Variants in CA13 observed in about 807,000 individuals in gnomAD.
The protein encoded by CA13 is CA-XIII.
CA13 carries 21 observed loss-of-function variants against 31.5 expected under a neutral mutation model. The ratio of observed to expected loss-of-function variants is 0.67; its 90% CI spans 0.47 to 0.96. The LOEUF (loss-of-function observed/expected upper bound fraction) is 0.96, where lower values mean the gene tolerates loss of function less well. CA13 is among the 40% of genes least tolerant of loss of function. CA13 has a pLI of 0.00. For synonymous variants in CA13, 117 were observed against 111.4 expected, an observed-to-expected ratio of 1.05 and a Z score of -0.32; for missense variants, 315 against 318.9, an observed-to-expected ratio of 0.99 and a Z score of 0.09.
intron 6 of CA13, among the ~76,000 whole-genome samples, chr8:85,273,813 C>T (rs62527228): frequency 1.3e-5 from 2 of 152,068 alleles, no homozygotes; most frequent in Non-Finnish European, 2.9e-5. Flanking sequence ...AGTGCGCCGA[C>T]AGACAACACG....
chr8:85,276,795 G>A (rs112206933), intron 6 of CA13, among the ~76,000 whole-genome samples: 3 of 147,972 alleles, frequency 2.0e-5, no homozygotes, highest in Non-Finnish European at 2.9e-5. Context: ...TGCACCAGTC[G>A]ACACTCTGTA....
intron 6 of CA13, among the ~76,000 whole-genome samples, chr8:85,276,803 G>C (rs938291141): frequency 6.6e-6 from 1 of 151,812 alleles, no homozygotes; most frequent in African/African-American, 2.4e-5. Flanking sequence ...TCGACACTCT[G>C]TATCTAGCTA....
chr8:85,277,835 C>G (rs1412381959), intron 6 of CA13, among the ~76,000 whole-genome samples: 3 of 152,164 alleles, frequency 2.0e-5, no homozygotes, highest in Non-Finnish European at 4.4e-5. Context: ...CCTGGACGGC[C>G]TCCCTCTCAG....
intron 1 of CA13, among the ~76,000 whole-genome samples, chr8:85,247,752 G>C (rs148408344): frequency 0.024 from 3,665 of 152,162 alleles, 151 homozygotes; most frequent in African/African-American, 0.084. Flanking sequence ...TGTATTTTTA[G>C]TAGAGACAAG....
intron 6 of CA13, among the ~76,000 whole-genome samples, chr8:85,277,764 G>A (rs1241317397): frequency 1.3e-5 from 2 of 152,172 alleles, no homozygotes; most frequent in South Asian, 2.1e-4. Context: ...GGACGGGGCA[G>A]GGGTTTTATA....
chr8:85,260,778 T>C (rs1807365300), intron 3 of CA13, among the ~76,000 whole-genome samples: 1 of 152,256 alleles, frequency 6.6e-6, no homozygotes, highest in African/African-American at 2.4e-5. Flanking sequence ...ATGTTTGCTT[T>C]CTAAAGTTTT....
chr8:85,283,512 G>A lies in CA13; in HGVS notation c.*2163G>A, dbSNP rs1404816752. 3 of 152,582 alleles carry A rather than the reference G, an allele frequency of 2.0e-5. No individual in the cohort carries two copies. Among genetic ancestry groups the A allele is most frequent in the Admixed American group, 6.5e-5 (1 of 15,272 alleles). The allele number at this position is 152,582 out of a possible 1,614,324, so 9.5% of individuals were successfully genotyped here. A position where few individuals can be genotyped will look rare whatever the true frequency, so the allele number is the denominator to read the frequency against. On this transcript the variant is annotated 3_prime_UTR_variant, in exon 7 of 7. Transcript: ENST00000321764. The stretch of plus-strand genomic sequence containing the variant: ...AATGCACTATAAGTTAATATAACAA[G>A]TAAAATACATTGTCTTTTGAAAATA...
At chr8:85,248,858 T>C (rs1813776019) in intron 1 of CA13, among the ~76,000 whole-genome samples, 1 of 152,188 alleles carries the variant, frequency 6.6e-6, no homozygotes, top group African/African-American at 2.4e-5. Flanking sequence ...ACACATGCAT[T>C]GCGCATTTGA....
intron 6 of CA13, among the ~76,000 whole-genome samples, chr8:85,277,392 C>T (rs1807628070): frequency 1.3e-5 from 2 of 152,202 alleles, no homozygotes; most frequent in Admixed American, 1.3e-4. Flanking sequence ...ACTCCTGAGC[C>T]AGCGAGACCA....
chr8:85,245,825 G>A lies in CA13; in HGVS notation c.-4G>A, dbSNP rs532136857. ...TCTTTCTCTTCCTTCCACCCCGAGG[G>A]ACCATGTCGAGGCTCAGCTGGGGAT... On this transcript the variant is annotated 5_prime_UTR_variant, in exon 1 of 7. Transcript: ENST00000321764. 1 of 1,614,074 alleles carries A rather than the reference G, an allele frequency of 6.2e-7. No individual in the cohort carries two copies. Among genetic ancestry groups the A allele is most frequent in the Admixed American group, 1.7e-5 (1 of 60,026 alleles).
intron 6 of CA13, among the ~76,000 whole-genome samples, chr8:85,276,527 G>A (rs1255172417): frequency 1.3e-5 from 2 of 152,268 alleles, no homozygotes; most frequent in Non-Finnish European, 2.9e-5. Flanking sequence ...TTTATGTCTA[G>A]CTAAGGGATT....
chr8:85,264,475 T>C (rs940339541), intron 3 of CA13, among the ~76,000 whole-genome samples: 1 of 152,198 alleles, frequency 6.6e-6, no homozygotes, highest in Admixed American at 6.6e-5. Context: ...TAAATGCTAA[T>C]AGAAGTGGTA....
At chr8:85,246,826 A>G (rs377230324) in intron 1 of CA13, among the ~76,000 whole-genome samples, 8 of 152,330 alleles carry the variant, frequency 5.3e-5, no homozygotes, top group East Asian at 1.9e-4. Flanking sequence ...ATAAATATAT[A>G]CAATTTTTGT....
chr8:85,262,224 A>G (rs1224097998), intron 3 of CA13, among the ~76,000 whole-genome samples: 1 of 152,258 alleles, frequency 6.6e-6, no homozygotes, highest in East Asian at 1.9e-4. Context: ...GAATTCATTG[A>G]GAATCAACCA....
At chr8:85,256,347 T>C (rs779992435) in intron 2 of CA13, among the ~76,000 whole-genome samples, 2 of 152,228 alleles carry the variant, frequency 1.3e-5, no homozygotes, top group Admixed American at 6.5e-5. Flanking sequence ...ATAAAATATG[T>C]GTGCTGAAAT....
In CA13 at chr8:85,252,187, G is replaced by A. The variant is rs755021757; in HGVS notation, c.235+1250G>A. 2.0e-4 allele frequency among the ~76,000 whole-genome samples: 30 copies of A among 152,234 alleles called. 2 individuals carry two copies. Among genetic ancestry groups the A allele is most frequent in the Middle Eastern group, 6.8e-3 (2 of 294 alleles). On this transcript the variant is annotated intron_variant, in intron 2 of 6. Coordinates refer to ENST00000321764, the MANE Select transcript of CA13 (RefSeq NM_198584.3). ...CAGGAGGATTGCTTGACTTCAGGAG[G>A]TCAAGGCTGCAATGAGCCATGATAG...
At chr8:85,267,842 T>C (rs1807477327) in intron 4 of CA13, 60 bp from the exon 5 acceptor site, 1 of 967,782 alleles carries the variant, frequency 1.0e-6, no homozygotes, top group Non-Finnish European at 1.6e-6. Flanking sequence ...TGGCTGAAAT[T>C]GAGTGATTCA....
At chr8:85,258,228 A>G (rs1486251505) in intron 2 of CA13, among the ~76,000 whole-genome samples, 3 of 151,814 alleles carry the variant, frequency 2.0e-5, no homozygotes, top group South Asian at 2.1e-4. Flanking sequence ...TGATTCTCCC[A>G]TATGCTTTAA....
At chr8:85,279,611 A>T (rs1354293644) in intron 6 of CA13, among the ~76,000 whole-genome samples, 1 of 152,180 alleles carries the variant, frequency 6.6e-6, no homozygotes, top group Non-Finnish European at 1.5e-5. Context: ...GGGTTGAACT[A>T]CCAGAGGGGC....
Sources: gnomAD v4.1 joint callset for allele counts (sites outside exome capture counted in the v4.1 genomes callset) on GRCh38, gnomAD v4.1.1 for gene constraint, MANE v1.5 for transcripts, NCBI Gene and HGNC (gene_info 2026-07-23, HGNC 2026-07-21) for gene names.